The following SYNCRIP variants were observed in gnomAD, a reference collection of about 807,000 sequenced individuals.
SYNCRIP encodes the protein heterogeneous nuclear ribonucleoprotein Q.
A neutral mutation model predicts 68.9 loss-of-function variants in SYNCRIP; 9 were observed. The ratio of observed to expected loss-of-function variants is 0.13; its 90% CI spans 0.08 to 0.23. The LOEUF (loss-of-function observed/expected upper bound fraction) is 0.23, where lower values mean the gene tolerates loss of function less well. SYNCRIP is among the 10% of genes least tolerant of loss of function. The pLI, the probability that SYNCRIP is intolerant of heterozygous loss-of-function variation, is 1.00. For missense variants in SYNCRIP, 414 were observed against 770.6 expected (o/e 0.54, Z 5.48); for synonymous variants, 258 against 254.0 (o/e 1.02, Z -0.15).
chr6:85,619,706 T>C (rs996091541), intron 8 of SYNCRIP, among the ~76,000 whole-genome samples: 6 of 152,144 alleles, frequency 3.9e-5, no homozygotes, highest in African/African-American at 1.4e-4. Flanking sequence ...GTCAAAACTA[T>C]TAGAATGGCC....
Position 85,622,362 on chromosome 6 carries a change from G to C in SYNCRIP, c.1008+120C>G. On this transcript the variant is annotated intron_variant, in intron 8 of 10. Coordinates refer to ENST00000369622, the MANE Select transcript of SYNCRIP (RefSeq NM_006372.5). ...CCAGCCTGGGAAACATGGGAAACAA[G>C]AGACTCTTGTCTCAAAAAATAAAAA... is the stretch of plus-strand genomic sequence containing the variant. The C allele has an allele frequency of 3.1e-6, 3 of 969,452 alleles. No homozygotes were observed. In the South Asian group the frequency reaches 5.0e-5, roughly 16 times the overall value. 60.1% of individuals were successfully genotyped at this position (969,452 alleles called of 1,614,324 possible). A position where few individuals can be genotyped will look rare whatever the true frequency, so the allele number is the denominator to read the frequency against.
chr6:85,634,495 T>A (rs988969448), intron 6 of SYNCRIP, among the ~76,000 whole-genome samples: 1 of 152,112 alleles, frequency 6.6e-6, no homozygotes, highest in East Asian at 1.9e-4. Context: ...CAGGAACCCA[T>A]ACCAAAATCC....
At chr6:85,623,700 C>T (rs901255587) in intron 7 of SYNCRIP, among the ~76,000 whole-genome samples, 3 of 151,662 alleles carry the variant, frequency 2.0e-5, no homozygotes, top group African/African-American at 7.3e-5. Flanking sequence ...CAAAGAAATA[C>T]GATCTTCCAA....
intron 1 of SYNCRIP, 65 bp from the exon 2 acceptor site, chr6:85,641,516 GC>G (rs1277082284): frequency 1.3e-6 from 2 of 1,485,756 alleles, no homozygotes; most frequent in Non-Finnish European, 1.8e-6. Flanking sequence ...CAATATGAGA[GC>G]CCCATCTTTA....
At chr6:85,633,314 A>G (rs1808045133) in intron 6 of SYNCRIP, among the ~76,000 whole-genome samples, 2 of 151,190 alleles carry the variant, frequency 1.3e-5, no homozygotes, top group South Asian at 4.2e-4. Flanking sequence ...ACTTAAAAGT[A>G]GGCTGGGTGT....
intron 4 of SYNCRIP, among the ~76,000 whole-genome samples, chr6:85,639,017 G>T (rs936510338): frequency 6.6e-6 from 1 of 152,108 alleles, no homozygotes; most frequent in African/African-American, 2.4e-5. Context: ...AGACCATCCC[G>T]GTCAACATGG....
chr6:85,622,596 T>C lies in SYNCRIP; in HGVS notation c.894A>G (p.Thr298=), dbSNP rs1181117379. ...TTAACCTACGCCTTGCCTGGGCAGCTGTTTTGTGATCTTCATATTCAAGAA... is the reference window on the plus strand; with the variant it reads ...TTAACCTACGCCTTGCCTGGGCAGCCGTTTTGTGATCTTCATATTCAAGAA... ...FCFLEYEDHK[T]AAQARRRLMS... Residue 298 remains threonine (T), a synonymous_variant, in exon 8 of 11, where the codon ACA becomes ACG. Transcript: ENST00000369622. The C allele has an allele frequency of 2.5e-6, 4 of 1,614,246 alleles. No individual in the cohort carries two copies. The Admixed American group carries it at 5.0e-5, about 20-fold the overall frequency.
chr6:85,626,687 T>C (rs193148529), intron 6 of SYNCRIP, among the ~76,000 whole-genome samples: 2 of 152,280 alleles, frequency 1.3e-5, no homozygotes, highest in East Asian at 1.9e-4. Context: ...CAAAGAAATA[T>C]AGAGAAGACA....
Position 85,633,098 on chromosome 6 carries a change from C to G in SYNCRIP, c.666+3869G>C, listed in dbSNP as rs562388644. Among the ~76,000 whole-genome samples the G allele has an allele frequency of 2.0e-5, 3 of 150,482 alleles. No individual in the cohort carries two copies. In the East Asian group the frequency reaches 5.9e-4, roughly 30 times the overall value. On this transcript the variant is annotated intron_variant, in intron 6 of 10. Coordinates refer to ENST00000369622, the MANE Select transcript of SYNCRIP (RefSeq NM_006372.5). ...AAACCCTGTCTCTACTAAAAAAATA[C>G]AAAAAAAATTAGCTGGGTGTGGTGG...
At chr6:85,632,122 C>T (rs1807865223) in intron 6 of SYNCRIP, among the ~76,000 whole-genome samples, 1 of 152,044 alleles carries the variant, frequency 6.6e-6, no homozygotes, top group South Asian at 2.1e-4. Context: ...ATCAATTAAC[C>T]CATTTTTATA....
chr6:85,609,998 T>C (rs1318764197), downstream of SYNCRIP: 1 of 151,940 alleles, frequency 6.6e-6, no homozygotes, highest in Non-Finnish European at 1.5e-5. Flanking sequence ...ACTAAAGGAT[T>C]AGTTATTTTT....
At chr6:85,619,867 A>C (rs757061480) in intron 8 of SYNCRIP, among the ~76,000 whole-genome samples, 1 of 152,224 alleles carries the variant, frequency 6.6e-6, no homozygotes, top group Non-Finnish European at 1.5e-5. Flanking sequence ...ATGACCCAGC[A>C]ATCCTGCTCC....
downstream of SYNCRIP, chr6:85,608,199 A>G (rs951413687): frequency 6.6e-6 from 1 of 152,080 alleles, no homozygotes; most frequent in African/African-American, 2.4e-5. Flanking sequence ...TTGGCTAGTT[A>G]CTTCGAATGT....
At chr6:85,631,377 A>G (rs1170399319) in intron 6 of SYNCRIP, among the ~76,000 whole-genome samples, 1 of 149,944 alleles carries the variant, frequency 6.7e-6, no homozygotes, top group East Asian at 2.0e-4. Context: ...AAAGAAGGCG[A>G]AACATGGCTA....
chr6:85,638,654 CTG>C (rs1368004755), intron 4 of SYNCRIP, among the ~76,000 whole-genome samples: 10 of 152,154 alleles, frequency 6.6e-5, no homozygotes, highest in African/African-American at 1.7e-4. Flanking sequence ...AGGACACTAA[CTG>C]TTTATGAAAA....
rs762757425 is a variant in SYNCRIP at position 85,614,947 on chromosome 6, C to T, written c.1681G>A (p.Val561Ile). The change falls in exon 11 of 11, where the codon GTA (valine) becomes ATA (isoleucine). Residue 561 changes from valine (V) to isoleucine (I), a missense_variant. This residue lies in a region of SYNCRIP where 130 missense variants were observed against 149.0 expected (regional missense o/e 0.87). Coordinates refer to ENST00000369622, the MANE Select transcript of SYNCRIP (RefSeq NM_006372.5). ...CCATCAGCTTTGCGCTTTCCTCCTA[C>T]ATTTCCACCGCGGCCACCCCTCGCA... is the stretch of plus-strand genomic sequence containing the variant. ...RGARGGRGGN[V>I]GGKRKADGYN... The T allele has an allele frequency of 3.3e-5, 54 of 1,613,890 alleles. No individual in the cohort carries two copies. In the Admixed American group the frequency reaches 7.7e-4, roughly 23 times the overall value.
intron 7 of SYNCRIP, among the ~76,000 whole-genome samples, 200 bp from the exon 8 acceptor site, chr6:85,622,887 A>C (rs1260670158): frequency 6.6e-6 from 1 of 152,204 alleles, no homozygotes; most frequent in Non-Finnish European, 1.5e-5. Flanking sequence ...TCAACACAGA[A>C]ATCTCCAGAA....
intron 6 of SYNCRIP, among the ~76,000 whole-genome samples, chr6:85,626,067 CTT>C (rs1806998992): frequency 6.6e-6 from 1 of 152,212 alleles, no homozygotes; most frequent in African/African-American, 2.4e-5. Flanking sequence ...CTGCCATATA[CTT>C]TGTTTTCTCA....
chr6:85,631,569 T>C (rs1807795503), intron 6 of SYNCRIP, among the ~76,000 whole-genome samples: 1 of 152,170 alleles, frequency 6.6e-6, no homozygotes, highest in African/African-American at 2.4e-5. Flanking sequence ...ATGGTACAAA[T>C]GGTACCTTAG....
Sources: allele counts gnomAD v4.1 joint callset (sites outside exome capture counted in the v4.1 genomes callset), GRCh38; gene constraint gnomAD v4.1.1; regional missense constraint gnomAD v4.1.1; transcripts MANE v1.5; gene names NCBI Gene and HGNC (gene_info 2026-07-23, HGNC 2026-07-21).